BBX: variants seen among roughly 807,000 people sequenced by gnomAD.
The protein encoded by BBX is HMG box transcription factor BBX.
BBX carries 30 observed loss-of-function variants against 100.2 expected under a neutral mutation model. That is an observed-to-expected ratio of 0.30 (90% CI 0.22 to 0.41). The LOEUF (loss-of-function observed/expected upper bound fraction) is 0.41, where lower values mean the gene tolerates loss of function less well. Among genes scored for constraint, BBX ranks in the 10% least tolerant of loss-of-function variants. The probability of loss-of-function intolerance (pLI) is 1.00; values close to 1 mark genes in which losing one functional copy is unlikely to be tolerated. For synonymous variants in BBX, 376 were observed against 388.1 expected (o/e 0.97, Z 0.37); for missense variants, 1,023 against 1,129.8 (o/e 0.91, Z 1.35).
chr3:107,759,091 A>G (rs2065701494), intron 10 of BBX, among the ~76,000 whole-genome samples: 1 of 152,152 alleles, frequency 6.6e-6, no homozygotes. Context: ...AAACTGGGGG[A>G]AATTGGCAGC....
intron 3 of BBX, among the ~76,000 whole-genome samples, chr3:107,687,489 A>T (rs2059916532): frequency 6.6e-6 from 1 of 152,104 alleles, no homozygotes; most frequent in African/African-American, 2.4e-5. Context: ...CCTGCTGGAG[A>T]TAAGGAGGTA....
intron 7 of BBX, among the ~76,000 whole-genome samples, chr3:107,736,884 T>C (rs1322252166): frequency 2.0e-5 from 3 of 152,114 alleles, no homozygotes; most frequent in African/African-American, 7.2e-5. Flanking sequence ...AGATTAATTA[T>C]AGCTGATGAA....
In BBX at chr3:107,807,478, G is replaced by C. The variant is rs2071117974; in HGVS notation, c.*2021G>C. ...CGATGTTGGTGGCTGTTGGAGTTTT[G>C]GACCACTCGCTAGCAGTGATTTGAA... On this transcript the variant is annotated 3_prime_UTR_variant, in exon 18 of 18. Coordinates refer to ENST00000325805, the MANE Select transcript of BBX (RefSeq NM_001142568.3). 1 of 151,902 alleles carries C rather than the reference G, an allele frequency of 6.6e-6. No individual in the cohort carries two copies. Among genetic ancestry groups the C allele is most frequent in the African/African-American group, 2.4e-5 (1 of 41,344 alleles). The allele number at this position is 151,902 out of a possible 1,614,324, so 9.4% of individuals were successfully genotyped here. A position where few individuals can be genotyped will look rare whatever the true frequency, so the allele number is the denominator to read the frequency against.
intron 2 of BBX, among the ~76,000 whole-genome samples, chr3:107,614,192 C>T (rs901306079): frequency 2.0e-5 from 3 of 151,858 alleles, no homozygotes; most frequent in Non-Finnish European, 4.4e-5. Context: ...CATCATGGTC[C>T]GCCTGCCTCG....
At chr3:107,616,729 C>G (rs1258752164) in intron 2 of BBX, among the ~76,000 whole-genome samples, 1 of 152,018 alleles carries the variant, frequency 6.6e-6, no homozygotes, top group African/African-American at 2.4e-5. Flanking sequence ...TATTTTCTCC[C>G]TTTTCTAACT....
intron 2 of BBX, among the ~76,000 whole-genome samples, chr3:107,603,537 C>A (rs769914747): frequency 6.6e-6 from 1 of 151,864 alleles, no homozygotes; most frequent in Non-Finnish European, 1.5e-5. Context: ...TGCCACCATG[C>A]CTGGCTAGTT....
intron 2 of BBX, among the ~76,000 whole-genome samples, chr3:107,554,859 G>A (rs550479065): frequency 6.1e-4 from 93 of 152,036 alleles, no homozygotes; most frequent in African/African-American, 2.2e-3. Context: ...ACTTGAGGTC[G>A]GGAGTTCAAG....
intron 5 of BBX, among the ~76,000 whole-genome samples, chr3:107,720,863 C>A (rs1196547901): frequency 6.6e-6 from 1 of 151,886 alleles, no homozygotes; most frequent in East Asian, 1.9e-4. Flanking sequence ...ACCATTCATT[C>A]CCTTATTTTG....
intron 2 of BBX, among the ~76,000 whole-genome samples, chr3:107,603,522 G>A (rs888978102): frequency 5.3e-5 from 8 of 151,946 alleles, no homozygotes; most frequent in African/African-American, 1.9e-4. Flanking sequence ...GGGATTACAG[G>A]TGCATGCCAC....
intron 4 of BBX, among the ~76,000 whole-genome samples, chr3:107,714,524 T>G (rs959357482): frequency 6.6e-6 from 1 of 152,244 alleles, no homozygotes; most frequent in Non-Finnish European, 1.5e-5. Flanking sequence ...TATAATTGCT[T>G]CTTCATCTTA....
chr3:107,641,413 G>C (rs2057203734), intron 2 of BBX, among the ~76,000 whole-genome samples: 1 of 151,950 alleles, frequency 6.6e-6, no homozygotes. Context: ...CTTTATTCTT[G>C]GTTCAATATT....
chr3:107,798,722 T>C lies in BBX; in HGVS notation c.2551+2T>C. 6.2e-7 allele frequency: 1 copy of C among 1,612,662 alleles called. No homozygotes were observed. Among genetic ancestry groups the C allele is most frequent in the East Asian group, 2.2e-5 (1 of 44,802 alleles). On this transcript the variant is annotated splice_donor_variant, in intron 16 of 17. Coordinates refer to ENST00000325805, the MANE Select transcript of BBX (RefSeq NM_001142568.3). LOFTEE classifies it high-confidence loss of function. ...TATCACCAGCAGGAGGTACTTTGGGTAAGAAGAGAGAGCTTTAGACCAGAG... is the reference window on the plus strand; with the variant it reads ...TATCACCAGCAGGAGGTACTTTGGGCAAGAAGAGAGAGCTTTAGACCAGAG...
intron 2 of BBX, among the ~76,000 whole-genome samples, chr3:107,533,466 A>G (rs2107318476): frequency 1.3e-5 from 2 of 152,324 alleles, no homozygotes; most frequent in Middle Eastern, 3.4e-3. Flanking sequence ...CTCCAAATGT[A>G]CAGGTGTAAG....
At chr3:107,579,807 C>T (rs904492574) in intron 2 of BBX, among the ~76,000 whole-genome samples, 5 of 152,112 alleles carry the variant, frequency 3.3e-5, no homozygotes, top group Admixed American at 6.6e-5. Flanking sequence ...TTTACCATAT[C>T]GGTCTTCATT....
intron 2 of BBX, among the ~76,000 whole-genome samples, chr3:107,533,699 T>G (rs1229868629): frequency 1.3e-5 from 2 of 152,238 alleles, no homozygotes; most frequent in East Asian, 3.8e-4. Flanking sequence ...TGCATAACAT[T>G]TGAAACCTGT....
chr3:107,670,190 T>A (rs1576267034), intron 3 of BBX, among the ~76,000 whole-genome samples: 2 of 152,280 alleles, frequency 1.3e-5, no homozygotes, highest in African/African-American at 4.8e-5. Context: ...ACTAATACAT[T>A]TTATTAATGT....
At chr3:107,644,244 C>A (rs956818232) in intron 2 of BBX, among the ~76,000 whole-genome samples, 4 of 152,064 alleles carry the variant, frequency 2.6e-5, no homozygotes, top group African/African-American at 9.7e-5. Context: ...TATTTTATTT[C>A]TCAGATAGCA....
At position 107,573,423 on chromosome 3, in the gene BBX, C is replaced by T. The variant is rs554948215; in HGVS notation, c.-84+47025C>T. Among the ~76,000 whole-genome samples, 6 of 152,060 alleles carry T rather than the reference C, an allele frequency of 3.9e-5. No homozygotes were observed. The East Asian group carries it at 5.8e-4, about 15-fold the overall frequency. On this transcript the variant is annotated intron_variant, in intron 2 of 17. Coordinates refer to ENST00000325805, the MANE Select transcript of BBX (RefSeq NM_001142568.3). ...AAATACAAAAATTAGCCGGGCTTGG[C>T]GGGCATCTGTAGTCCCAGCTGCTCG...
chr3:107,671,220 A>G (rs2059005528), intron 3 of BBX, among the ~76,000 whole-genome samples: 1 of 152,088 alleles, frequency 6.6e-6, no homozygotes, highest in Non-Finnish European at 1.5e-5. Context: ...GTTGCCCAAC[A>G]AAAGTTATTT....
Sources: allele counts gnomAD v4.1 joint callset (sites outside exome capture counted in the v4.1 genomes callset), GRCh38; gene constraint gnomAD v4.1.1; transcripts MANE v1.5; gene names NCBI Gene and HGNC (gene_info 2026-07-23, HGNC 2026-07-21).